The following HERC2 variants were observed in gnomAD, a reference collection of about 807,000 sequenced individuals.
HERC2 encodes the protein E3 ubiquitin-protein ligase HERC2.
A neutral mutation model predicts 537.7 loss-of-function variants in HERC2; 102 were observed. That is an observed-to-expected ratio of 0.19 (90% confidence interval 0.16 to 0.22). HERC2 has a LOEUF of 0.22. Among genes scored for constraint, HERC2 ranks in the 10% least tolerant of loss-of-function variants. The pLI is 1.00. For synonymous variants in HERC2, 2,224 were observed against 2,466.2 expected (o/e 0.90, Z 2.91); for missense variants, 4,236 against 6,198.2 (o/e 0.68, Z 10.63).
chr15:28,255,245 G>A (rs756984369), intron 19 of HERC2, among the ~76,000 whole-genome samples: 5 of 152,136 alleles, frequency 3.3e-5, no homozygotes, highest in Non-Finnish European at 7.4e-5. Context: ...TGAGGTGGCA[G>A]GATCATTTGA....
At position 28,177,370 on chromosome 15, in the gene HERC2, T is replaced by A; in HGVS notation, c.9254+49A>T. 2 of 1,521,772 alleles carry A rather than the reference T, an allele frequency of 1.3e-6. No individual in the cohort carries two copies. The highest frequency in any genetic ancestry group is 1.8e-6 in the Non-Finnish European group (2 of 1,096,272). 94.3% of individuals were successfully genotyped at this position (1,521,772 alleles called of 1,614,324 possible). A position where few individuals can be genotyped will look rare whatever the true frequency, so the allele number is the denominator to read the frequency against. On this transcript the variant is annotated intron_variant, in intron 60 of 92. Coordinates refer to ENST00000261609, the MANE Select transcript of HERC2 (RefSeq NM_004667.6). The surrounding 1 kb of genome is among the most constrained non-coding windows in gnomAD (Gnocchi z 5.0). ...GCAAAATAATTCTCAAGAGTATCAG[T>A]CAGAAACAGTTTCTTATTAGCAAAT...
chr15:28,194,876 T>C (rs1897202620), intron 52 of HERC2, among the ~76,000 whole-genome samples: 2 of 151,836 alleles, frequency 1.3e-5, no homozygotes, highest in South Asian at 2.1e-4. Flanking sequence ...GCCAACATGG[T>C]GAAATCTCAC....
At chr15:28,224,166 C>CAG (rs1555431548) in intron 35 of HERC2, among the ~76,000 whole-genome samples, 21 of 147,756 alleles carry the variant, frequency 1.4e-4, no homozygotes, top group East Asian at 8.0e-4. Context: ...CACACACACA[C>CAG]AGAGAGAGAG....
At chr15:28,150,220 G>T (rs1892287888) in intron 70 of HERC2, among the ~76,000 whole-genome samples, 1 of 151,796 alleles carries the variant, frequency 6.6e-6, no homozygotes, top group Admixed American at 6.6e-5. Flanking sequence ...ACCGAGAATG[G>T]CCACATGAAC....
chr15:28,215,650 G>C lies in HERC2; in HGVS notation c.6181C>G (p.Pro2061Ala). 5 of 1,611,244 alleles carry C rather than the reference G, an allele frequency of 3.1e-6. No homozygotes were observed. Among genetic ancestry groups the C allele is most frequent in the Non-Finnish European group, 4.2e-6 (5 of 1,179,418 alleles). ...LLMKVVEGHA[P>A]FTATSLQRQI... is the part of the protein sequence containing the mutation. ...CTCTGCAGCGAGGTGGCAGTGAAGG[G>C]TGCGTGCCCTTCCACGACCTTCATG... The change falls in exon 39 of 93, where the codon CCC (proline) becomes GCC (alanine). Residue 2061 changes from proline to alanine, a missense_variant. Transcript: ENST00000261609.
In HERC2 at chr15:28,201,545, C is replaced by T. The variant is rs771506554; in HGVS notation, c.7627G>A (p.Ala2543Thr). ...TACGTCTGGCTCTCCGTCACAACAG[C>T]ACCAGTAGACTGCAAGAAATAAATA... ...DDAAYSMSTGAVVTESQTYKK... is the reference protein window; with the variant it reads ...DDAAYSMSTGTVVTESQTYKK... Residue 2543 changes from alanine to threonine, a missense_variant, in exon 48 of 93, where the codon GCT (alanine) becomes ACT (threonine). Around this residue, in one of 27 missense-constraint regions of HERC2, gnomAD observed 606 missense variants for 884.5 expected, o/e 0.69. Coordinates refer to ENST00000261609, the MANE Select transcript of HERC2 (RefSeq NM_004667.6). 39 of 1,609,420 alleles carry T rather than the reference C, an allele frequency of 2.4e-5. No individual in the cohort carries two copies. The highest frequency in any genetic ancestry group is 3.3e-5 in the Non-Finnish European group (39 of 1,175,884).
chr15:28,199,061 T>G (rs1274007604), intron 48 of HERC2, among the ~76,000 whole-genome samples: 1 of 151,862 alleles, frequency 6.6e-6, no homozygotes, highest in Non-Finnish European at 1.5e-5. Context: ...TTGAGAGGAT[T>G]GCTTGAGCCT....
intron 35 of HERC2, among the ~76,000 whole-genome samples, chr15:28,225,230 A>G (rs1900995855): frequency 1.3e-5 from 2 of 151,700 alleles, no homozygotes; most frequent in African/African-American, 2.4e-5. Context: ...TTCGGCCTGA[A>G]GGAAAAGTAA....
Position 28,198,514 on chromosome 15 carries a change from C to A in HERC2, c.7886-11G>T. On this transcript the variant is annotated splice_polypyrimidine_tract_variant and intron_variant, in intron 49 of 92. Coordinates refer to ENST00000261609, the MANE Select transcript of HERC2 (RefSeq NM_004667.6). ...TTGGTGGAGGATAGCCTACAGATGT[C>A]AATAACAAATCATTATAATCAATAT... The A allele has an allele frequency of 1.9e-6, 3 of 1,612,558 alleles. No homozygotes were observed. Among genetic ancestry groups the A allele is most frequent in the Non-Finnish European group, 2.5e-6 (3 of 1,179,672 alleles).
At chr15:28,204,955 C>G (rs1410135628) in intron 45 of HERC2, among the ~76,000 whole-genome samples, 2 of 152,052 alleles carry the variant, frequency 1.3e-5, no homozygotes, top group African/African-American at 4.8e-5. Context: ...TCAAAAGTTT[C>G]CAAATTTGGT....
At chr15:28,303,186 G>A (rs939908996) in intron 2 of HERC2, among the ~76,000 whole-genome samples, 3 of 152,202 alleles carry the variant, frequency 2.0e-5, no homozygotes, top group African/African-American at 7.2e-5. Context: ...TTCGTATATG[G>A]TGAGAGATAG....
intron 2 of HERC2, among the ~76,000 whole-genome samples, chr15:28,316,997 G>A (rs577710729): frequency 1.3e-5 from 2 of 152,090 alleles, no homozygotes; most frequent in African/African-American, 2.4e-5. Context: ...GGATGACCTC[G>A]ATCTCCTGAC....
chr15:28,209,635 G>A lies in HERC2; in HGVS notation c.7069+1367C>T, dbSNP rs867002415. Among the ~76,000 whole-genome samples, 147 of 152,226 alleles carry A rather than the reference G, an allele frequency of 9.7e-4. 1 individual carries two copies. The highest frequency in any genetic ancestry group is 2.0e-3 in the African/African-American group (84 of 41,544). On this transcript the variant is annotated intron_variant, in intron 44 of 92. Coordinates refer to ENST00000261609, the MANE Select transcript of HERC2 (RefSeq NM_004667.6). Reference sequence around the variant, plus strand: ...TGGGATTACAGGCATGAGCCACCGCGCCAGGCCTATATATCATTTATATTT... The same window carrying A: ...TGGGATTACAGGCATGAGCCACCGCACCAGGCCTATATATCATTTATATTT...
In HERC2 at chr15:28,280,194, C is replaced by A. The variant is rs777222189; in HGVS notation, c.416G>T (p.Arg139Leu). The A allele has an allele frequency of 6.2e-7, 1 of 1,614,110 alleles. No individual in the cohort carries two copies. The highest frequency in any genetic ancestry group is 8.5e-7 in the Non-Finnish European group (1 of 1,179,996). Reference protein sequence around the residue: ...QSATTTLSALRLKQRLVILER... With the variant: ...QSATTTLSALLLKQRLVILER... ...CAAGATCACCAGCCTCTGCTTGAGT[C>A]GCAGGGCTGAGAGGGTGGTGGTGGC... Residue 139 changes from arginine to leucine, a missense_variant, in exon 5 of 93, where the codon CGA becomes CTA. By Grantham distance (102) the Arg-to-Leu change is moderately radical. Around this residue, in one of 27 missense-constraint regions of HERC2, gnomAD observed 491 missense variants for 559.3 expected, o/e 0.88. Coordinates refer to ENST00000261609, the MANE Select transcript of HERC2 (RefSeq NM_004667.6).
At chr15:28,157,809 T>C (rs1481575260) in intron 69 of HERC2, among the ~76,000 whole-genome samples, 1 of 152,204 alleles carries the variant, frequency 6.6e-6, no homozygotes, top group Non-Finnish European at 1.5e-5. Flanking sequence ...CTCTTGCTTC[T>C]CTAGTTCTTT....
At chr15:28,241,132 T>C (rs914809211) in intron 23 of HERC2, among the ~76,000 whole-genome samples, 4 of 152,214 alleles carry the variant, frequency 2.6e-5, no homozygotes, top group East Asian at 3.9e-4. Flanking sequence ...GCAAAACAGA[T>C]TGCAAATAAT....
At chr15:28,261,290 C>A (rs1194238385) in intron 15 of HERC2, among the ~76,000 whole-genome samples, 1 of 151,936 alleles carries the variant, frequency 6.6e-6, no homozygotes, top group Non-Finnish European at 1.5e-5. Flanking sequence ...ACTATTAGAT[C>A]ATATTCTCCC....
rs1404844067 is a variant in HERC2 at position 28,192,065 on chromosome 15, A to T, written c.8347T>A (p.Ser2783Thr). Reference protein sequence around the residue: ...SQPGMLLDSWSRMVKSLNVSS... With the variant: ...SQPGMLLDSWTRMVKSLNVSS... ...ACATTCAGGCTCTTCACCATGCGGGACCAGCTGTCCAGCAGCATGCCTGGC... is the reference window on the plus strand; with the variant it reads ...ACATTCAGGCTCTTCACCATGCGGGTCCAGCTGTCCAGCAGCATGCCTGGC... Residue 2783 changes from serine to threonine, a missense_variant, in exon 53 of 93, where the codon TCC becomes ACC. Physicochemically the swap from Ser to Thr is moderately conservative, Grantham distance 58 (BLOSUM62 1). Transcript: ENST00000261609. The T allele has an allele frequency of 3.1e-6, 5 of 1,614,080 alleles. No homozygotes were observed. The highest frequency in any genetic ancestry group is 4.2e-6 in the Non-Finnish European group (5 of 1,180,032).
intron 44 of HERC2, among the ~76,000 whole-genome samples, chr15:28,210,200 C>G (rs74950057): frequency 0.069 from 10,528 of 152,078 alleles, 892 homozygotes; most frequent in East Asian, 0.42. Flanking sequence ...GTGGCGCCAT[C>G]TCGGCTCACT....
Sources: gnomAD v4.1 joint callset for allele counts (sites outside exome capture counted in the v4.1 genomes callset) on GRCh38, gnomAD v4.1.1 for gene constraint, gnomAD v4.1.1 regional missense constraint, Gnocchi (gnomAD v3.1) non-coding constraint, MANE v1.5 for transcripts, NCBI Gene and HGNC (gene_info 2026-07-23, HGNC 2026-07-21) for gene names.